The following MYRIP variants were observed in gnomAD, a reference collection of about 807,000 sequenced individuals.
MYRIP encodes rab effector MyRIP.
In MYRIP, 49 loss-of-function variants were observed where a neutral mutation model predicts 98.0. That is an observed-to-expected ratio of 0.50 (90% CI 0.40 to 0.63). The LOEUF is 0.63. Among genes scored for constraint, MYRIP ranks in the 30% least tolerant of loss-of-function variants. The pLI is 0.00. For missense variants in MYRIP, 1,004 were observed against 1,058.2 expected (o/e 0.95, Z 0.71); for synonymous variants, 404 against 409.5 (o/e 0.99, Z 0.16).
Position 39,899,443 on chromosome 3 carries a change from T to G in MYRIP, c.-30-1344T>G, listed in dbSNP as rs572939580. On this transcript the variant is annotated intron_variant, in intron 1 of 16. Transcript: ENST00000302541. Reference sequence around the variant, plus strand: ...TTTATTTATTTTTTGCTATTTTGAATGTGACTATTGTTACTATTCTTCTGT... The same window carrying G: ...TTTATTTATTTTTTGCTATTTTGAAGGTGACTATTGTTACTATTCTTCTGT... 2.0e-5 allele frequency among the ~76,000 whole-genome samples: 3 copies of G among 152,316 alleles called. No individual in the cohort carries two copies. In the East Asian group the frequency reaches 5.8e-4, roughly 29 times the overall value.
At chr3:39,903,131 AG>A (rs1416664311) in intron 2 of MYRIP, among the ~76,000 whole-genome samples, 2 of 152,316 alleles carry the variant, frequency 1.3e-5, no homozygotes, top group East Asian at 3.9e-4. Context: ...TAGCAAACTG[AG>A]GTGACATTCT....
At chr3:40,182,863 T>A (rs778333599) in intron 9 of MYRIP, among the ~76,000 whole-genome samples, 1 of 152,212 alleles carries the variant, frequency 6.6e-6, no homozygotes, top group Non-Finnish European at 1.5e-5. Context: ...CTGGATAAAT[T>A]AGTTAGGGTA....
At chr3:40,108,418 G>A (rs1949096377) in intron 3 of MYRIP, among the ~76,000 whole-genome samples, 1 of 152,168 alleles carries the variant, frequency 6.6e-6, no homozygotes, top group Admixed American at 6.5e-5. Flanking sequence ...TGACCCTGGG[G>A]TGACTCCACT....
chr3:40,040,148 C>T (rs1395237427), intron 2 of MYRIP, among the ~76,000 whole-genome samples: 1 of 152,186 alleles, frequency 6.6e-6, no homozygotes, highest in Non-Finnish European at 1.5e-5. Context: ...TGATTTAGGG[C>T]ATGGACATAT....
chr3:39,821,503 C>A (rs1941101973), intron 1 of MYRIP, among the ~76,000 whole-genome samples: 1 of 147,134 alleles, frequency 6.8e-6, no homozygotes, highest in South Asian at 2.1e-4. Flanking sequence ...TTTCCTATTT[C>A]TTTGGGTTTT....
intron 3 of MYRIP, among the ~76,000 whole-genome samples, chr3:40,149,353 C>T (rs1311275211): frequency 6.6e-6 from 1 of 152,208 alleles, no homozygotes; most frequent in East Asian, 1.9e-4. Flanking sequence ...CCAAGCCATT[C>T]ATGAGGGATA....
chr3:40,204,711 C>T (rs912518682), intron 10 of MYRIP, among the ~76,000 whole-genome samples: 1 of 152,148 alleles, frequency 6.6e-6, no homozygotes, highest in Non-Finnish European at 1.5e-5. Context: ...TCTGCCTTCA[C>T]TGTCTTGGAG....
intron 2 of MYRIP, among the ~76,000 whole-genome samples, chr3:39,922,707 A>G (rs1944332336): frequency 6.6e-6 from 1 of 152,146 alleles, no homozygotes; most frequent in Admixed American, 6.5e-5. Flanking sequence ...CAGTAAATCC[A>G]GAGTGTTGTC....
At chr3:39,908,563 AG>A (rs1365562114) in intron 2 of MYRIP, among the ~76,000 whole-genome samples, 1 of 152,226 alleles carries the variant, frequency 6.6e-6, no homozygotes, top group Admixed American at 6.5e-5. Context: ...TCAGTGACAC[AG>A]AGACTCCTCT....
chr3:39,890,553 T>G (rs1943458545), intron 1 of MYRIP, among the ~76,000 whole-genome samples: 1 of 152,044 alleles, frequency 6.6e-6, no homozygotes, highest in Non-Finnish European at 1.5e-5. Context: ...ATTTATTACT[T>G]ATTATCAAAA....
intron 1 of MYRIP, among the ~76,000 whole-genome samples, chr3:39,895,247 C>T (rs1295724984): frequency 6.6e-6 from 1 of 151,138 alleles, no homozygotes; most frequent in Non-Finnish European, 1.5e-5. Context: ...AGTGCAGTGG[C>T]GCGATCTCGG....
At chr3:40,129,356 G>A (rs1217735003) in intron 3 of MYRIP, among the ~76,000 whole-genome samples, 10 of 139,778 alleles carry the variant, frequency 7.2e-5, no homozygotes, top group Non-Finnish European at 1.2e-4. Flanking sequence ...CAGGAGAATC[G>A]CTTCAACCTG....
intron 1 of MYRIP, among the ~76,000 whole-genome samples, chr3:39,881,458 G>T (rs1332124606): frequency 6.6e-6 from 1 of 152,114 alleles, no homozygotes; most frequent in Non-Finnish European, 1.5e-5. Context: ...TCATTTAAAC[G>T]TATCAGTTTT....
At chr3:39,884,103 G>A (rs1299015748) in intron 1 of MYRIP, among the ~76,000 whole-genome samples, 1 of 152,104 alleles carries the variant, frequency 6.6e-6, no homozygotes, top group Non-Finnish European at 1.5e-5. Context: ...ACAAAAGGCA[G>A]ACAATGGATT....
At chr3:39,958,071 G>T (rs1489056007) in intron 2 of MYRIP, among the ~76,000 whole-genome samples, 1 of 152,164 alleles carries the variant, frequency 6.6e-6, no homozygotes, top group African/African-American at 2.4e-5. Flanking sequence ...TCATGGATAA[G>T]AAGAATCAAT....
intron 2 of MYRIP, among the ~76,000 whole-genome samples, chr3:39,952,340 G>C (rs1319569637): frequency 6.6e-6 from 1 of 152,114 alleles, no homozygotes; most frequent in Non-Finnish European, 1.5e-5. Flanking sequence ...TGATGCTGCT[G>C]TGAAGAATTC....
At chr3:39,932,547 GT>G (rs369420899) in intron 2 of MYRIP, among the ~76,000 whole-genome samples, 117 of 151,254 alleles carry the variant, frequency 7.7e-4, no homozygotes, top group African/African-American at 2.6e-3. Flanking sequence ...TTTTTTGGGG[GT>G]TTTTTTTGGT....
chr3:40,119,691 T>C (rs976495928), intron 3 of MYRIP, among the ~76,000 whole-genome samples: 4 of 152,038 alleles, frequency 2.6e-5, no homozygotes, highest in African/African-American at 7.3e-5. Flanking sequence ...CACCACATGT[T>C]CTCATTCATA....
At chr3:40,238,999 T>C (rs1010199649) in intron 12 of MYRIP, among the ~76,000 whole-genome samples, 3 of 151,582 alleles carry the variant, frequency 2.0e-5, no homozygotes, top group African/African-American at 7.3e-5. Flanking sequence ...GCTGGTGCGC[T>C]GCACCCACTA....
Sources: allele counts gnomAD v4.1 joint callset (sites outside exome capture counted in the v4.1 genomes callset), GRCh38; gene constraint gnomAD v4.1.1; transcripts MANE v1.5; gene names NCBI Gene and HGNC (gene_info 2026-07-23, HGNC 2026-07-21).